The following OTOGL variants were observed in gnomAD, a reference collection of about 807,000 sequenced individuals.
OTOGL encodes otogelin like, also known as otogelin-like protein.
OTOGL carries 285 observed loss-of-function variants against 318.5 expected under a neutral mutation model. That is an observed-to-expected ratio of 0.89 (90% confidence interval 0.81 to 0.99). The LOEUF (loss-of-function observed/expected upper bound fraction) is 0.99. Among genes scored for constraint, OTOGL ranks in the 50% least tolerant of loss-of-function variants. OTOGL has a pLI of 0.00. For missense variants in OTOGL, 2,899 were observed against 2,845.6 expected, an observed-to-expected ratio of 1.02 and a Z score of -0.43; for synonymous variants, 987 against 936.5, an observed-to-expected ratio of 1.05 and a Z score of -0.99.
intron 8 of OTOGL, among the ~76,000 whole-genome samples, chr12:80,230,981 T>C (rs1415703372): frequency 6.6e-6 from 1 of 152,226 alleles, no homozygotes; most frequent in African/African-American, 2.4e-5. Flanking sequence ...CCTTCTGTGT[T>C]ATAAACTTCA....
rs762818060 is a variant in OTOGL at position 80,320,416 on chromosome 12, T to G, written c.3803-6T>G. 6 of 1,606,862 alleles carry G rather than the reference T, an allele frequency of 3.7e-6. No individual in the cohort carries two copies. The South Asian group carries it at 6.7e-5, about 18-fold the overall frequency. ...CTGAGAATCCACACTGCTCTATATT[T>G]TACAGCATTAGCACTTGTTTCCTTG... is the stretch of plus-strand genomic sequence containing the variant. On this transcript the variant is annotated splice_polypyrimidine_tract_variant and splice_region_variant and intron_variant, in intron 33 of 58. Transcript: ENST00000547103.
intron 1 of OTOGL, chr12:80,208,116 G>C (rs916350835): frequency 5.8e-5 from 27 of 466,082 alleles, no homozygotes; most frequent in Non-Finnish European, 9.5e-5. Flanking sequence ...TATAATTTTA[G>C]TGAAATTTGG....
chr12:80,370,303 C>T (rs1890797333), intron 55 of OTOGL, among the ~76,000 whole-genome samples: 1 of 151,968 alleles, frequency 6.6e-6, no homozygotes, highest in Non-Finnish European at 1.5e-5. Flanking sequence ...TTCACATTTA[C>T]CTCTCAGTTC....
At chr12:80,170,178 GGTGT>G (rs532627744) in intron 1 of OTOGL, among the ~76,000 whole-genome samples, 3,689 of 144,114 alleles carry the variant, frequency 0.026, 56 homozygotes, top group Non-Finnish European at 0.036. Context: ...CTTTGTCAGG[GGTGT>G]GTGTGTGTGT....
intron 1 of OTOGL, among the ~76,000 whole-genome samples, chr12:80,142,878 G>A (rs922515836): frequency 1.3e-5 from 2 of 152,186 alleles, no homozygotes; most frequent in Non-Finnish European, 2.9e-5. Flanking sequence ...AGGGGTGGCA[G>A]AAGAGGGGCT....
chr12:80,230,514 T>G (rs1879268309), intron 8 of OTOGL, among the ~76,000 whole-genome samples: 1 of 152,210 alleles, frequency 6.6e-6, no homozygotes, highest in Admixed American at 6.5e-5. Context: ...AATTATCATG[T>G]TTTGTAAAAC....
chr12:80,101,431 G>T (rs1869132666), intron 1 of OTOGL, among the ~76,000 whole-genome samples: 2 of 152,100 alleles, frequency 1.3e-5, no homozygotes, highest in African/African-American at 4.8e-5. Flanking sequence ...CTGGCTTTAT[G>T]GCTCTTGGAT....
In OTOGL at chr12:80,336,415, C is replaced by T. The variant is rs370683806; in HGVS notation, c.4603C>T (p.Arg1535Trp). 141 of 1,591,536 alleles carry T rather than the reference C, an allele frequency of 8.9e-5. 1 individual carries two copies. The African/African-American group carries it at 1.4e-3, about 16-fold the overall frequency. Reference protein sequence around the residue: ...ICCPEWECPCRCSMLSELSII... With the variant: ...ICCPEWECPCWCSMLSELSII... ...TCCACTTTCCACCATTTTTATAGGT[C>T]GGTGTTCCATGTTGTCAGAACTGAG... Residue 1535 changes from arginine to tryptophan, a missense_variant and splice_region_variant, in exon 40 of 59, where the codon CGG becomes TGG. This residue lies in a region of OTOGL where 2,607 missense variants were observed against 2,524.9 expected (regional missense o/e 1.03). Transcript: ENST00000547103.
At chr12:80,144,729 C>A (rs916580000) in intron 1 of OTOGL, among the ~76,000 whole-genome samples, 3,759 of 152,194 alleles carry the variant, frequency 0.025, 156 homozygotes, top group African/African-American at 0.086. Context: ...TGTTTCCTGA[C>A]TTTATAATGA....
intron 9 of OTOGL, among the ~76,000 whole-genome samples, chr12:80,236,284 T>C (rs1055923448): frequency 6.6e-6 from 1 of 152,182 alleles, no homozygotes; most frequent in Non-Finnish European, 1.5e-5. Flanking sequence ...AGCATAATAA[T>C]TAATAATGCC....
At chr12:80,121,974 T>C (rs142075391) in intron 1 of OTOGL, among the ~76,000 whole-genome samples, 2 of 152,270 alleles carry the variant, frequency 1.3e-5, no homozygotes, top group African/African-American at 4.8e-5. Flanking sequence ...CATGATGTTG[T>C]AAACACGAGA....
intron 11 of OTOGL, among the ~76,000 whole-genome samples, chr12:80,242,514 C>T (rs1257992168): frequency 6.6e-6 from 1 of 152,112 alleles, no homozygotes; most frequent in Non-Finnish European, 1.5e-5. Flanking sequence ...TTCTTCCATT[C>T]TGTAGGAAAT....
In OTOGL at chr12:80,102,983, C is replaced by G. The variant is rs1291832025; in HGVS notation, c.-20+3378C>G. 8.8e-6 allele frequency: 8 copies of G among 908,164 alleles called. No homozygotes were observed. In the Admixed American group the frequency reaches 1.4e-4, roughly 15 times the overall value. 56.3% of individuals were successfully genotyped at this position (908,164 alleles called of 1,614,324 possible). A position where few individuals can be genotyped will look rare whatever the true frequency, so the allele number is the denominator to read the frequency against. ...GAGATTTGGCTTTCCGTTCAAGGATCTTTTTGCTGTCTTTGTCCAGTTTTA... is the reference window on the plus strand; with the variant it reads ...GAGATTTGGCTTTCCGTTCAAGGATGTTTTTGCTGTCTTTGTCCAGTTTTA... On this transcript the variant is annotated intron_variant, in intron 1 of 58. Transcript: ENST00000547103.
chr12:80,209,319 C>T (rs574697576), intron 1 of OTOGL, 94 bp from the exon 2 acceptor site: 224 of 598,182 alleles, frequency 3.7e-4, no homozygotes, highest in Non-Finnish European at 2.9e-4. Flanking sequence ...TACTTTATTA[C>T]ATAGCTATAT....
chr12:80,289,767 G>A (rs11114386), intron 26 of OTOGL, among the ~76,000 whole-genome samples: 90,777 of 152,092 alleles, frequency 0.6, 29,940 homozygotes, highest in East Asian at 0.94. Context: ...AATCGTCCCA[G>A]GTTAACTTCA....
intron 1 of OTOGL, among the ~76,000 whole-genome samples, chr12:80,174,903 C>T (rs1178856578): frequency 6.6e-6 from 1 of 151,450 alleles, no homozygotes; most frequent in Non-Finnish European, 1.5e-5. Flanking sequence ...CATTTATCTT[C>T]AATAAGTGGC....
chr12:80,254,612 C>A, intron 15 of OTOGL, 42 bp downstream of exon 15: 2 of 1,519,446 alleles, frequency 1.3e-6, no homozygotes, highest in Non-Finnish European at 1.8e-6. Flanking sequence ...TTTCAAATTT[C>A]TTTAGACTGG....
At chr12:80,250,038 G>C (rs192721831) in intron 11 of OTOGL, among the ~76,000 whole-genome samples, 2 of 151,894 alleles carry the variant, frequency 1.3e-5, no homozygotes, top group African/African-American at 2.4e-5. Flanking sequence ...CACGGTGCGC[G>C]CACCCACTGA....
chr12:80,280,935 A>T (rs918317612), intron 26 of OTOGL, among the ~76,000 whole-genome samples: 4 of 148,742 alleles, frequency 2.7e-5, no homozygotes, highest in African/African-American at 9.8e-5. Flanking sequence ...ATACCTAGGT[A>T]TTTTTTTTTT....
Sources: allele counts gnomAD v4.1 joint callset (sites outside exome capture counted in the v4.1 genomes callset), GRCh38; gene constraint gnomAD v4.1.1; regional missense constraint gnomAD v4.1.1; transcripts MANE v1.5; gene names NCBI Gene and HGNC (gene_info 2026-07-23, HGNC 2026-07-21).